The following TTL variants were observed in gnomAD, a reference collection of about 807,000 sequenced individuals.
The protein encoded by TTL is tubulin tyrosine ligase.
In TTL, 10 loss-of-function variants were observed where a neutral mutation model predicts 41.1. The ratio of observed to expected loss-of-function variants is 0.24; its 90% CI spans 0.15 to 0.41. The LOEUF (loss-of-function observed/expected upper bound fraction) is 0.41. Ranked by LOEUF, TTL falls within the 10% of genes least tolerant of loss-of-function variation. The probability of loss-of-function intolerance (pLI) is 1.00; values close to 1 mark genes in which losing one functional copy is unlikely to be tolerated. For missense variants in TTL, 367 were observed against 460.4 expected (o/e 0.80, Z 1.86); for synonymous variants, 175 against 175.5 (o/e 1.00, Z 0.02).
chr2:112,491,715 T>G (rs1199830126), intron 2 of TTL, among the ~76,000 whole-genome samples: 1 of 152,242 alleles, frequency 6.6e-6, no homozygotes, highest in African/African-American at 2.4e-5. Context: ...TTTCATTAAT[T>G]TTTTTGAGCA....
At chr2:112,520,187 T>G in intron 5 of TTL, 95 bp from the exon 6 acceptor site, 7 of 1,331,436 alleles carry the variant, frequency 5.3e-6, no homozygotes, top group African/African-American at 1.5e-5. Context: ...CTGATATTTG[T>G]ATTCATCTCA....
intron 5 of TTL, among the ~76,000 whole-genome samples, chr2:112,511,675 C>T (rs1161936175): frequency 6.6e-6 from 1 of 151,846 alleles, no homozygotes; most frequent in Non-Finnish European, 1.5e-5. Context: ...AGCCATCCTC[C>T]CACCTCAGCC....
intron 5 of TTL, among the ~76,000 whole-genome samples, chr2:112,516,555 TC>T (rs1682075568): frequency 6.6e-6 from 1 of 152,168 alleles, no homozygotes; most frequent in Non-Finnish European, 1.5e-5. Flanking sequence ...ATGCCTGTAA[TC>T]CCAGCTACTT....
chr2:112,484,455 A>G (rs1345442878), intron 1 of TTL, among the ~76,000 whole-genome samples: 6 of 151,704 alleles, frequency 4.0e-5, no homozygotes, highest in Non-Finnish European at 5.9e-5. Flanking sequence ...GGTAGAGACA[A>G]GGTTTTGCCG....
chr2:112,494,347 G>C lies in TTL; in HGVS notation c.441G>C (p.Trp147Cys). 6.2e-7 allele frequency: 1 copy of C among 1,614,104 alleles called. No individual in the cohort carries two copies. The highest frequency in any genetic ancestry group is 8.5e-7 in the Non-Finnish European group (1 of 1,180,032). ...AAGAGGATGGAGAGGGCAACGTTTG[G>C]ATTGCAAAGTCATCAGCCGGTGCCA... ...RKKEDGEGNV[W>C]IAKSSAGAKG... The change falls in exon 3 of 7, where the codon TGG becomes TGC. Residue 147 changes from tryptophan (W) to cysteine (C), a missense_variant. By Grantham distance (215) the Trp-to-Cys change is radical. Coordinates refer to ENST00000233336, the MANE Select transcript of TTL (RefSeq NM_153712.5).
At chr2:112,492,971 C>T (rs979907536) in intron 2 of TTL, among the ~76,000 whole-genome samples, 2 of 152,132 alleles carry the variant, frequency 1.3e-5, no homozygotes, top group African/African-American at 4.8e-5. Flanking sequence ...TTCAAATGCT[C>T]AGTAGCCACT....
chr2:112,497,947 T>C (rs1223715690), intron 3 of TTL, among the ~76,000 whole-genome samples: 4 of 152,256 alleles, frequency 2.6e-5, no homozygotes, highest in Non-Finnish European at 5.9e-5. Context: ...TTCAGCCATG[T>C]TACGGGATAT....
chr2:112,482,462 A>G lies in TTL; in HGVS notation c.118A>G (p.Met40Val). Residue 40 changes from methionine to valine, a missense_variant, in exon 1 of 7, where the codon ATG becomes GTG. Coordinates refer to ENST00000233336, the MANE Select transcript of TTL (RefSeq NM_153712.5). This position sits in a 1 kb window ranked among gnomAD's most constrained non-coding sequence, Gnocchi z 5.3. ...GCGAGACAACCCCAGATTCAACCTG[A>G]TGCTGGGAGAGAGGAATCGGCTGCC... ...LRRDNPRFNLMLGERNRLPFG... is the reference protein window; with the variant it reads ...LRRDNPRFNLVLGERNRLPFG... The G allele has an allele frequency of 1.2e-6, 2 of 1,611,310 alleles. No homozygotes were observed. The highest frequency in any genetic ancestry group is 1.7e-6 in the Non-Finnish European group (2 of 1,178,838).
At chr2:112,524,481 A>G (rs1295634085) in intron 6 of TTL, among the ~76,000 whole-genome samples, 2 of 152,220 alleles carry the variant, frequency 1.3e-5, no homozygotes, top group East Asian at 1.9e-4. Context: ...TTTAATGATC[A>G]CCATTCTAAC....
chr2:112,486,978 C>T (rs1200338968), intron 2 of TTL, among the ~76,000 whole-genome samples: 2 of 152,136 alleles, frequency 1.3e-5, no homozygotes, highest in Non-Finnish European at 2.9e-5. Flanking sequence ...TAAGTGAAAG[C>T]ATTCCTTATT....
chr2:112,529,218 C>A lies in TTL; in HGVS notation c.*423C>A, dbSNP rs1403906173. 3.5e-6 allele frequency: 1 copy of A among 288,080 alleles called. No homozygotes were observed. The highest frequency in any genetic ancestry group is 6.6e-6 in the Non-Finnish European group (1 of 151,092). 17.8% of individuals were successfully genotyped at this position (288,080 alleles called of 1,614,324 possible). On this transcript the variant is annotated 3_prime_UTR_variant, in exon 7 of 7. Coordinates refer to ENST00000233336, the MANE Select transcript of TTL (RefSeq NM_153712.5). ...CATATTGGAGGTTGCCTGTGTGTTC[C>A]CCACCCATCCCTTCGGTAACACTCT... is the stretch of plus-strand genomic sequence containing the variant.
At chr2:112,525,271 C>A (rs62158577) in intron 6 of TTL, among the ~76,000 whole-genome samples, 1 of 151,354 alleles carries the variant, frequency 6.6e-6, no homozygotes, top group Non-Finnish European at 1.5e-5. Context: ...CTTGGCAATG[C>A]GGGCTCTTTT....
chr2:112,492,168 G>T (rs1681405669), intron 2 of TTL, among the ~76,000 whole-genome samples: 1 of 152,198 alleles, frequency 6.6e-6, no homozygotes, highest in African/African-American at 2.4e-5. Context: ...TACTAGAAAT[G>T]ACACATGGCC....
chr2:112,517,255 C>G (rs1682096230), intron 5 of TTL, among the ~76,000 whole-genome samples: 2 of 145,772 alleles, frequency 1.4e-5, no homozygotes, highest in South Asian at 4.4e-4. Context: ...TTTATTTTAT[C>G]TTATTTTTTT....
intron 2 of TTL, among the ~76,000 whole-genome samples, chr2:112,493,306 GAGC>G (rs1356022614): frequency 6.6e-6 from 1 of 151,566 alleles, no homozygotes; most frequent in African/African-American, 2.4e-5. Context: ...TGGGGAGTAA[GAGC>G]AGGTTTCCAG....
At chr2:112,521,005 G>A (rs1682210981) in intron 6 of TTL, among the ~76,000 whole-genome samples, 2 of 152,128 alleles carry the variant, frequency 1.3e-5, no homozygotes, top group Admixed American at 1.3e-4. Flanking sequence ...AGAGAGACCC[G>A]TATGACAAGC....
At position 112,520,562 on chromosome 2, in the gene TTL, T is replaced by C. The variant is rs534953686; in HGVS notation, c.1019+137T>C. 5 of 1,220,384 alleles carry C rather than the reference T, an allele frequency of 4.1e-6. No individual in the cohort carries two copies. The East Asian group carries it at 7.7e-5, about 19-fold the overall frequency. The allele number at this position is 1,220,384 out of a possible 1,614,324, so 75.6% of individuals were successfully genotyped here. ...TGATAGGAGACCCTTGGGAGGACTCTATCTGGCAGGGGGCTTTGCTGAGTC... is the reference window on the plus strand; with the variant it reads ...TGATAGGAGACCCTTGGGAGGACTCCATCTGGCAGGGGGCTTTGCTGAGTC... On this transcript the variant is annotated intron_variant, in intron 6 of 6. Transcript: ENST00000233336.
At position 112,540,082 on chromosome 2, in the gene TTL, C is replaced by A. The variant is rs1039004779; in HGVS notation, c.*11287C>A. 1 of 152,152 alleles carries A rather than the reference C, an allele frequency of 6.6e-6. No individual in the cohort carries two copies. Among genetic ancestry groups the A allele is most frequent in the South Asian group, 2.1e-4 (1 of 4,828 alleles). 9.4% of individuals were successfully genotyped at this position (152,152 alleles called of 1,614,324 possible). A position where few individuals can be genotyped will look rare whatever the true frequency, so the allele number is the denominator to read the frequency against. On this transcript the variant is annotated 3_prime_UTR_variant, in exon 7 of 7. Coordinates refer to ENST00000233336, the MANE Select transcript of TTL (RefSeq NM_153712.5). ...TAATTATTGTTAGGATGAAAATAGG[C>A]CCCAAATTGATCTACCAATTGAACA...
chr2:112,489,190 T>C (rs916185781), intron 2 of TTL, among the ~76,000 whole-genome samples: 13 of 152,382 alleles, frequency 8.5e-5, no homozygotes, highest in African/African-American at 2.9e-4. Flanking sequence ...AAAGCTATTA[T>C]ATTTTACGTT....
Sources: gnomAD v4.1 joint callset for allele counts (sites outside exome capture counted in the v4.1 genomes callset) on GRCh38, gnomAD v4.1.1 for gene constraint, Gnocchi (gnomAD v3.1) non-coding constraint, MANE v1.5 for transcripts, NCBI Gene and HGNC (gene_info 2026-07-23, HGNC 2026-07-21) for gene names.